The following MEIS1 variants were observed in gnomAD, a reference collection of about 807,000 sequenced individuals.
MEIS1 encodes the protein homeobox protein Meis1.
In MEIS1, 5 loss-of-function variants were observed where a neutral mutation model predicts 50.8. The observed-to-expected ratio is 0.10, with a 90% CI of 0.05 to 0.21. MEIS1 has a LOEUF of 0.21. Ranked by LOEUF, MEIS1 falls within the 10% of genes least tolerant of loss-of-function variation. The pLI, the probability that MEIS1 is intolerant of heterozygous loss-of-function variation, is 1.00. For missense variants in MEIS1, 318 were observed against 517.3 expected (o/e 0.61, Z 3.74); for synonymous variants, 176 against 179.3 (o/e 0.98, Z 0.15).
chr2:66,521,675 C>T (rs1407637518), intron 8 of MEIS1, among the ~76,000 whole-genome samples: 1 of 152,194 alleles, frequency 6.6e-6, no homozygotes, highest in African/African-American at 2.4e-5. Context: ...ACATTAGTCA[C>T]ATAGAAATTG....
rs996062812 is a variant in MEIS1 at position 66,556,878 on chromosome 2, G to T, written c.965+8859G>T. Among the ~76,000 whole-genome samples the T allele has an allele frequency of 2.9e-5, 4 of 138,562 alleles. No homozygotes were observed. The South Asian group carries it at 1.1e-3, about 38-fold the overall frequency. 90.9% of individuals were successfully genotyped at this position (138,562 alleles called of 152,430 possible). ...TGTTTACAGAAAGGAAAGTATAGTA[G>T]GTTATGGCAGAGATTCCTATCCTCA... On this transcript the variant is annotated intron_variant, in intron 9 of 12. Coordinates refer to ENST00000272369, the MANE Select transcript of MEIS1 (RefSeq NM_002398.3).
At chr2:66,439,773 C>G (rs1671907826) in intron 2 of MEIS1, 70 bp from the exon 3 acceptor site, 1 of 1,606,466 alleles carries the variant, frequency 6.2e-7, no homozygotes, top group Non-Finnish European at 8.5e-7. Context: ...AGCTGTTTTT[C>G]TTGGGCACCT....
chr2:66,563,439 C>A (rs1460935561), intron 9 of MEIS1, among the ~76,000 whole-genome samples: 1 of 152,104 alleles, frequency 6.6e-6, no homozygotes, highest in African/African-American at 2.4e-5. Context: ...GACACACACA[C>A]ATACATATAG....
At chr2:66,540,544 C>T (rs1389845274) in intron 8 of MEIS1, among the ~76,000 whole-genome samples, 2 of 152,136 alleles carry the variant, frequency 1.3e-5, no homozygotes, top group East Asian at 3.9e-4. Flanking sequence ...GTGATCCACC[C>T]ACTTTGGCCT....
chr2:66,495,091 T>C (rs1377068475), intron 7 of MEIS1, among the ~76,000 whole-genome samples: 1 of 148,424 alleles, frequency 6.7e-6, no homozygotes, highest in Non-Finnish European at 1.5e-5. Context: ...TTTTTTTTTT[T>C]TTTTTTTTTT....
At chr2:66,542,806 G>A (rs528909845) in intron 8 of MEIS1, among the ~76,000 whole-genome samples, 1 of 152,260 alleles carries the variant, frequency 6.6e-6, no homozygotes, top group African/African-American at 2.4e-5. Flanking sequence ...GGTTACCAGG[G>A]TAGATAAGAT....
chr2:66,567,524 T>C lies in MEIS1; in HGVS notation c.1024+13T>C, dbSNP rs769836110. 9 of 1,613,154 alleles carry C rather than the reference T, an allele frequency of 5.6e-6. No homozygotes were observed. Among genetic ancestry groups the C allele is most frequent in the Non-Finnish European group, 5.9e-6 (7 of 1,179,572 alleles). ...TCCAACCGAGCAGGCAAGTCCCCCA[T>C]AGTGACTGTATTCAAGTCACGCAAG... On this transcript the variant is annotated intron_variant, in intron 10 of 12. Transcript: ENST00000272369.
intron 7 of MEIS1, among the ~76,000 whole-genome samples, chr2:66,499,704 A>AG (rs1168210202): frequency 6.6e-6 from 1 of 151,788 alleles, no homozygotes; most frequent in Non-Finnish European, 1.5e-5. Flanking sequence ...GTTAAAAAAA[A>AG]AAAAAAAAAG....
chr2:66,456,235 TAC>T (rs3220293), intron 6 of MEIS1, among the ~76,000 whole-genome samples: 40 of 147,556 alleles, frequency 2.7e-4, no homozygotes, highest in Admixed American at 1.4e-3. Flanking sequence ...ATGATTTTTA[TAC>T]ACACACACAC....
intron 6 of MEIS1, chr2:66,443,530 C>A: frequency 6.0e-6 from 1 of 167,038 alleles, no homozygotes; most frequent in Non-Finnish European, 1.3e-5. Context: ...TATTTTCTCC[C>A]TGTCTGTACG....
chr2:66,560,106 T>C (rs1338352563), intron 9 of MEIS1, among the ~76,000 whole-genome samples: 4 of 149,660 alleles, frequency 2.7e-5, no homozygotes, highest in Non-Finnish European at 6.0e-5. Flanking sequence ...ATCACTTTTT[T>C]TTTTTTTTTT....
intron 9 of MEIS1, among the ~76,000 whole-genome samples, chr2:66,550,411 C>A (rs1010599668): frequency 6.6e-6 from 1 of 152,076 alleles, no homozygotes. Flanking sequence ...AATGACAATA[C>A]CATGTTTGAT....
At chr2:66,557,432 T>C (rs1675094359) in intron 9 of MEIS1, among the ~76,000 whole-genome samples, 1 of 152,214 alleles carries the variant, frequency 6.6e-6, no homozygotes, top group Non-Finnish European at 1.5e-5. Flanking sequence ...CCCCTCTTTA[T>C]ACTTCCGTCT....
rs755638182 is a variant in MEIS1 at position 66,573,763 on chromosome 2, C to T, written c.*2555C>T. 2.0e-5 allele frequency: 3 copies of T among 152,184 alleles called. No individual in the cohort carries two copies. Among genetic ancestry groups the T allele is most frequent in the Non-Finnish European group, 4.4e-5 (3 of 68,038 alleles). The allele number at this position is 152,184 out of a possible 1,614,324, so 9.4% of individuals were successfully genotyped here. A position where few individuals can be genotyped will look rare whatever the true frequency, so the allele number is the denominator to read the frequency against. On this transcript the variant is annotated 3_prime_UTR_variant, in exon 13 of 13. Transcript: ENST00000272369. ...TGACCTAGTGGCAATTCTTCCTCTA[C>T]CTAAATAGTCGATGTGAGTGAAATC... is the stretch of plus-strand genomic sequence containing the variant.
chr2:66,463,321 GT>G (rs1672562931), intron 6 of MEIS1, among the ~76,000 whole-genome samples: 1 of 152,072 alleles, frequency 6.6e-6, no homozygotes, highest in South Asian at 2.1e-4. Context: ...TCATGAGGCT[GT>G]TTTTGAAAGC....
At chr2:66,509,008 G>A (rs1301346163) in intron 7 of MEIS1, 2 of 471,000 alleles carry the variant, frequency 4.2e-6, no homozygotes, top group Non-Finnish European at 8.8e-6. Context: ...CCGTGTGGTC[G>A]GCCGGCGGTT....
intron 8 of MEIS1, among the ~76,000 whole-genome samples, chr2:66,531,225 G>A (rs1008197860): frequency 2.6e-5 from 4 of 152,170 alleles, no homozygotes; most frequent in African/African-American, 9.7e-5. Flanking sequence ...CTCCAGAAGA[G>A]TCTACTGTTG....
chr2:66,440,049 A>ACG lies in MEIS1; in HGVS notation c.381+82_381+83dup, dbSNP rs755829146. ...GAGAGCCCCCCCTTCGCCAACACAC[A>ACG]CGCGCGCGCGCGCGCGCGAACACAC... On this transcript the variant is annotated intron_variant, in intron 3 of 12. Transcript: ENST00000272369. 351 of 1,078,512 alleles carry ACG rather than the reference A, an allele frequency of 3.3e-4. No homozygotes were observed. In the African/African-American group the frequency reaches 3.4e-3, roughly 10 times the overall value. 66.8% of individuals were successfully genotyped at this position (1,078,512 alleles called of 1,614,324 possible).
At chr2:66,550,245 T>C (rs1444349704) in intron 9 of MEIS1, among the ~76,000 whole-genome samples, 1 of 152,190 alleles carries the variant, frequency 6.6e-6, no homozygotes, top group African/African-American at 2.4e-5. Flanking sequence ...TTCTCTCTAC[T>C]TGTATATATA....
Sources: allele counts gnomAD v4.1 joint callset (sites outside exome capture counted in the v4.1 genomes callset), GRCh38; gene constraint gnomAD v4.1.1; transcripts MANE v1.5; gene names NCBI Gene and HGNC (gene_info 2026-07-23, HGNC 2026-07-21).